LSAMP: variants seen among roughly 807,000 people sequenced by gnomAD.
LSAMP encodes the protein limbic system-associated membrane protein.
A neutral mutation model predicts 38.6 loss-of-function variants in LSAMP; 7 were observed. That is an observed-to-expected ratio of 0.18 (90% confidence interval 0.10 to 0.34). LSAMP has a LOEUF of 0.34. Among genes scored for constraint, LSAMP ranks in the 10% least tolerant of loss-of-function variants. The probability of loss-of-function intolerance (pLI) is 1.00; values close to 1 mark genes in which losing one functional copy is unlikely to be tolerated. For synonymous variants in LSAMP, 154 were observed against 166.8 expected, an observed-to-expected ratio of 0.92 and a Z score of 0.59; for missense variants, 313 against 420.0, an observed-to-expected ratio of 0.75 and a Z score of 2.23.
intron 1 of LSAMP, among the ~76,000 whole-genome samples, chr3:116,108,196 G>A (rs1708512370): frequency 6.6e-6 from 1 of 152,160 alleles, no homozygotes; most frequent in Non-Finnish European, 1.5e-5. Flanking sequence ...GGATGCAAAG[G>A]AGGCTTTGGA....
intron 3 of LSAMP, among the ~76,000 whole-genome samples, chr3:115,937,907 T>C (rs1418284349): frequency 6.6e-6 from 1 of 152,200 alleles, no homozygotes; most frequent in East Asian, 1.9e-4. Flanking sequence ...CTAACAGTTG[T>C]ACTATTAATT....
rs9838847 is a variant in LSAMP, at chr3:116,020,005, T to G, written c.389-365A>C. 9.4e-3 allele frequency among the ~76,000 whole-genome samples: 1,425 copies of G among 152,216 alleles called. 25 individuals carry two copies. Among genetic ancestry groups the G allele is most frequent in the African/African-American group, 0.031 (1,302 of 41,562 alleles). On this transcript the variant is annotated intron_variant, in intron 2 of 6. Transcript: ENST00000490035. ...ATTGTTATTTAAATTTATTTTCTTATGTATATATAAATAAATATAATCCAA... is the reference window on the plus strand; with the variant it reads ...ATTGTTATTTAAATTTATTTTCTTAGGTATATATAAATAAATATAATCCAA...
intron 3 of LSAMP, among the ~76,000 whole-genome samples, chr3:115,968,237 T>C (rs187925707): frequency 3.4e-4 from 52 of 151,682 alleles, no homozygotes; most frequent in Non-Finnish European, 5.4e-4. Flanking sequence ...CCCTCTTCCT[T>C]CTCCTTTTCT....
intron 1 of LSAMP, among the ~76,000 whole-genome samples, chr3:116,169,153 A>G (rs1026085949): frequency 1.3e-5 from 2 of 152,292 alleles, no homozygotes; most frequent in Admixed American, 6.5e-5. Context: ...ACAGGGAGCT[A>G]TGATCACGCC....
At chr3:116,041,487 C>A (rs1361520148) in intron 2 of LSAMP, among the ~76,000 whole-genome samples, 1 of 151,686 alleles carries the variant, frequency 6.6e-6, no homozygotes, top group Non-Finnish European at 1.5e-5. Flanking sequence ...AAAATTCAGT[C>A]CTTTTGCAAG....
chr3:115,870,007 G>A (rs1935985227), intron 3 of LSAMP, among the ~76,000 whole-genome samples: 1 of 151,856 alleles, frequency 6.6e-6, no homozygotes, highest in Non-Finnish European at 1.5e-5. Context: ...AGCTAAGAGT[G>A]AATTTTGCAT....
intron 1 of LSAMP, among the ~76,000 whole-genome samples, chr3:116,328,020 C>T (rs920857663): frequency 6.6e-6 from 1 of 152,112 alleles, no homozygotes; most frequent in Non-Finnish European, 1.5e-5. Context: ...CTTCTCTTTG[C>T]ATTTTTCTTT....
At chr3:116,373,711 C>A (rs923171341) in intron 1 of LSAMP, among the ~76,000 whole-genome samples, 40 of 151,776 alleles carry the variant, frequency 2.6e-4, no homozygotes, top group African/African-American at 9.4e-4. Flanking sequence ...GAAGAAGACT[C>A]TGAATGTCTT....
At chr3:115,819,848 T>C (rs1178200093) in intron 6 of LSAMP, among the ~76,000 whole-genome samples, 2 of 152,296 alleles carry the variant, frequency 1.3e-5, no homozygotes, top group Middle Eastern at 3.4e-3. Flanking sequence ...GGAATTCTTA[T>C]TTTGGACTCT....
intron 1 of LSAMP, among the ~76,000 whole-genome samples, chr3:116,400,777 T>C (rs908774811): frequency 2.6e-5 from 4 of 152,170 alleles, no homozygotes; most frequent in Non-Finnish European, 4.4e-5. Flanking sequence ...ACTCCCGGCC[T>C]GATCTTGTTT....
rs145250680 is a variant in LSAMP at position 116,386,368 on chromosome 3, C to T, written c.155+58509G>A. ...ACCTCCAAAATTCAACCATCTCAGG[C>T]AGACATTCAAGGTACCCCACCATCT... On this transcript the variant is annotated intron_variant, in intron 1 of 6. Transcript: ENST00000490035. Among the ~76,000 whole-genome samples, 138 of 152,276 alleles carry T rather than the reference C, an allele frequency of 9.1e-4. 2 individuals are homozygous for T. The highest frequency in any genetic ancestry group is 2.1e-3 in the Admixed American group (32 of 15,298).
At chr3:115,925,163 G>A (rs1346589642) in intron 3 of LSAMP, among the ~76,000 whole-genome samples, 1 of 152,132 alleles carries the variant, frequency 6.6e-6, no homozygotes, top group Non-Finnish European at 1.5e-5. Context: ...ACAAGGGGGA[G>A]CTATTTTTGG....
At chr3:115,818,324 T>G (rs145559506) in intron 6 of LSAMP, among the ~76,000 whole-genome samples, 4 of 152,270 alleles carry the variant, frequency 2.6e-5, no homozygotes, top group Non-Finnish European at 2.9e-5. Flanking sequence ...GCGATGCTCT[T>G]TCCTAAAAGA....
In LSAMP at chr3:116,279,262, T is replaced by C. The variant is rs557839975; in HGVS notation, c.155+165615A>G. Among the ~76,000 whole-genome samples the C allele has an allele frequency of 2.7e-3, 414 of 152,192 alleles. 1 individual carries two copies. The highest frequency in any genetic ancestry group is 0.022 in the South Asian group (105 of 4,814). On this transcript the variant is annotated intron_variant, in intron 1 of 6. Coordinates refer to ENST00000490035, the MANE Select transcript of LSAMP (RefSeq NM_002338.5). ...TTAATAAATTACCAGTCACAAGGAGTTCCTCTTTAGAGGAGAAAGTACAAT... is the reference window on the plus strand; with the variant it reads ...TTAATAAATTACCAGTCACAAGGAGCTCCTCTTTAGAGGAGAAAGTACAAT...
intron 1 of LSAMP, among the ~76,000 whole-genome samples, chr3:116,232,384 A>G (rs755176491): frequency 6.6e-6 from 1 of 152,216 alleles, no homozygotes; most frequent in African/African-American, 2.4e-5. Flanking sequence ...CCTTAGATTT[A>G]AAGATTTAAA....
chr3:115,984,016 G>T (rs764060917), intron 3 of LSAMP, among the ~76,000 whole-genome samples: 12 of 152,090 alleles, frequency 7.9e-5, no homozygotes, highest in Non-Finnish European at 1.6e-4. Context: ...TTAGAGAGGA[G>T]GTAGGGTGAC....
intron 3 of LSAMP, among the ~76,000 whole-genome samples, chr3:115,959,490 G>GA (rs1411818770): frequency 1.3e-5 from 2 of 152,188 alleles, no homozygotes; most frequent in Admixed American, 1.3e-4. Context: ...TTTTATAACT[G>GA]AAAGACACTT....
intron 1 of LSAMP, among the ~76,000 whole-genome samples, chr3:116,163,392 A>G (rs896637403): frequency 2.0e-5 from 3 of 151,788 alleles, no homozygotes; most frequent in African/African-American, 7.3e-5. Context: ...AAGTCCCTAC[A>G]AAGGACATGA....
At chr3:116,036,937 A>C (rs1941060277) in intron 2 of LSAMP, among the ~76,000 whole-genome samples, 1 of 152,164 alleles carries the variant, frequency 6.6e-6, no homozygotes, top group Admixed American at 6.6e-5. Context: ...GTCCTGGATA[A>C]TATTTTTGGC....
Sources: allele counts gnomAD v4.1 joint callset (sites outside exome capture counted in the v4.1 genomes callset), GRCh38; gene constraint gnomAD v4.1.1; transcripts MANE v1.5; gene names NCBI Gene and HGNC (gene_info 2026-07-23, HGNC 2026-07-21).